ZNF718: variants seen among roughly 807,000 people sequenced by gnomAD.
ZNF718 encodes zinc finger protein 718.
In ZNF718, 3 loss-of-function variants were observed where a neutral mutation model predicts 2.6. The observed-to-expected ratio is 1.16, with a 90% CI of 0.53 to 3.01. The LOEUF (loss-of-function observed/expected upper bound fraction) is 3.01. ZNF718 is among the 30% of genes most tolerant of loss of function. The pLI, the probability that ZNF718 is intolerant of heterozygous loss-of-function variation, is 0.03. For synonymous variants in ZNF718, 135 were observed against 77.9 expected (o/e 1.73, Z -3.86); for missense variants, 468 against 230.0 (o/e 2.03, Z -6.69).
At chr4:157,799 T>G (rs1381765540) in intron 3 of ZNF718, among the ~76,000 whole-genome samples, 3 of 152,172 alleles carry the variant, frequency 2.0e-5, no homozygotes, top group Non-Finnish European at 4.4e-5. Context: ...GAGAAGGGTG[T>G]GTATTCTGCT....
chr4:188,712 A>G (rs571023775), intron 3 of ZNF718, among the ~76,000 whole-genome samples: 222 of 152,274 alleles, frequency 1.5e-3, no homozygotes, highest in African/African-American at 5.0e-3. Context: ...GTGGGCTCAC[A>G]AGGGGCTCTC....
chr4:172,115 C>T (rs1468501132), intron 3 of ZNF718, among the ~76,000 whole-genome samples: 1 of 152,128 alleles, frequency 6.6e-6, no homozygotes, highest in African/African-American at 2.4e-5. Context: ...AGTCACCATG[C>T]TGTACAATAA....
chr4:169,450 G>A (rs1402395741), intron 3 of ZNF718, among the ~76,000 whole-genome samples: 3 of 152,094 alleles, frequency 2.0e-5, no homozygotes, highest in Non-Finnish European at 4.4e-5. Context: ...TGACAGTGGG[G>A]TGTTAAAGTC....
intron 3 of ZNF718, among the ~76,000 whole-genome samples, chr4:152,436 T>G (rs1716369008): frequency 1.6e-5 from 2 of 122,244 alleles, no homozygotes; most frequent in Non-Finnish European, 3.4e-5. Flanking sequence ...TGTCCCTGGG[T>G]ACTTGAGATT....
intron 3 of ZNF718, among the ~76,000 whole-genome samples, chr4:193,987 T>C (rs190954306): frequency 6.6e-5 from 10 of 152,172 alleles, no homozygotes; most frequent in African/African-American, 9.7e-5. Flanking sequence ...AGGCATTTGA[T>C]TTGCCCAGCC....
intron 3 of ZNF718, among the ~76,000 whole-genome samples, chr4:143,286 G>T (rs782735459): frequency 7.2e-5 from 11 of 152,158 alleles, no homozygotes; most frequent in Non-Finnish European, 1.2e-4. Flanking sequence ...CTGCCTCCCA[G>T]GTTCAAGCAA....
At chr4:197,613 G>C (rs1234021493) in intron 3 of ZNF718, among the ~76,000 whole-genome samples, 79 of 152,236 alleles carry the variant, frequency 5.2e-4, no homozygotes, top group African/African-American at 1.8e-3. Flanking sequence ...TCCAAGTGCT[G>C]CTACTCAGCT....
At chr4:152,117 A>G (rs1275698027) in intron 3 of ZNF718, among the ~76,000 whole-genome samples, 1 of 148,370 alleles carries the variant, frequency 6.7e-6, no homozygotes, top group African/African-American at 2.5e-5. Flanking sequence ...CGCAGGTCCC[A>G]CCTCCAGCCT....
intron 3 of ZNF718, among the ~76,000 whole-genome samples, chr4:143,641 C>T (rs953851710): frequency 6.6e-6 from 1 of 152,108 alleles, no homozygotes. Flanking sequence ...TTTTCTCCTG[C>T]AAATCTCTGT....
At chr4:127,025 C>T (rs1715252611) in intron 1 of ZNF718, among the ~76,000 whole-genome samples, 1 of 152,084 alleles carries the variant, frequency 6.6e-6, no homozygotes, top group Admixed American at 6.5e-5. Flanking sequence ...GGGGTTTCGC[C>T]ATGTTGGCCA....
At chr4:154,791 T>C (rs1716488256) in intron 3 of ZNF718, among the ~76,000 whole-genome samples, 2 of 152,314 alleles carry the variant, frequency 1.3e-5, no homozygotes, top group Middle Eastern at 3.4e-3. Flanking sequence ...AAATTCAAGC[T>C]CACTGCAGAA....
At chr4:158,515 A>G (rs1380114238) in intron 3 of ZNF718, among the ~76,000 whole-genome samples, 1 of 151,660 alleles carries the variant, frequency 6.6e-6, no homozygotes, top group Non-Finnish European at 1.5e-5. Flanking sequence ...GAGTATCTCT[A>G]CAGATCCTTT....
At chr4:152,861 T>C (rs1450830842) in intron 3 of ZNF718, among the ~76,000 whole-genome samples, 2 of 152,062 alleles carry the variant, frequency 1.3e-5, no homozygotes, top group Non-Finnish European at 2.9e-5. Flanking sequence ...AAATATTTTC[T>C]TTCATTCTGT....
chr4:194,446 A>G (rs550653196), intron 3 of ZNF718, among the ~76,000 whole-genome samples: 25 of 152,292 alleles, frequency 1.6e-4, no homozygotes, highest in East Asian at 1.3e-3. Context: ...CTGCATCCCA[A>G]TGAGGGTCTA....
chr4:144,669 GT>G (rs1553810902), intron 3 of ZNF718, among the ~76,000 whole-genome samples: 1 of 151,258 alleles, frequency 6.6e-6, no homozygotes, highest in Non-Finnish European at 1.5e-5. Flanking sequence ...TTTTTCTCTT[GT>G]TTAATTTCTT....
intron 3 of ZNF718, chr4:150,257 T>A (rs911083773): frequency 9.2e-5 from 14 of 152,156 alleles, no homozygotes; most frequent in African/African-American, 3.1e-4. Context: ...TAAAGGGACA[T>A]TTGTGTTGTT....
chr4:176,897 T>G (rs1285197491), intron 3 of ZNF718, among the ~76,000 whole-genome samples: 3 of 152,194 alleles, frequency 2.0e-5, no homozygotes, highest in Non-Finnish European at 2.9e-5. Flanking sequence ...CACTTGTCAA[T>G]GTTTGGAGCT....
At chr4:154,816 T>C (rs1438040240) in intron 3 of ZNF718, among the ~76,000 whole-genome samples, 3 of 152,208 alleles carry the variant, frequency 2.0e-5, no homozygotes, top group Non-Finnish European at 4.4e-5. Context: ...GCATAAGTAA[T>C]GAGGAGCCAA....
rs1224750341 is a variant in ZNF718, at chr4:133,189, AAAAAAAATATATATATATATATATATAT to A, written c.226+1686_226+1713del. ...CAAGACTCCATCTTAAAAAAAAAAA[AAAAAAAATATATATATATATATATATAT>A]ATATATATATATGGTAACACTAATA... is the stretch of plus-strand genomic sequence containing the variant. On this transcript the variant is annotated intron_variant, in intron 3 of 3. Transcript: ENST00000510175. 7.5e-5 allele frequency among the ~76,000 whole-genome samples: 7 copies of A among 93,498 alleles called. 2 individuals are homozygous for A. Among genetic ancestry groups the A allele is most frequent in the African/African-American group, 2.7e-4 (5 of 18,852 alleles). 61.3% of individuals were successfully genotyped at this position (93,498 alleles called of 152,430 possible).
Sources: gnomAD v4.1 joint callset for allele counts (sites outside exome capture counted in the v4.1 genomes callset) on GRCh38, gnomAD v4.1.1 for gene constraint, MANE v1.5 for transcripts, NCBI Gene and HGNC (gene_info 2026-07-23, HGNC 2026-07-21) for gene names.